Variants in PCOLCE2 observed in about 807,000 individuals in gnomAD.
The protein encoded by PCOLCE2 is procollagen C-endopeptidase enhancer 2, also known as procollagen C-proteinase enhancer 2.
In PCOLCE2, 42 loss-of-function variants were observed where a neutral mutation model predicts 47.0. The observed-to-expected ratio is 0.89, with a 90% confidence interval of 0.70 to 1.16. PCOLCE2 has a LOEUF of 1.16. Among genes scored for constraint, PCOLCE2 ranks in the 50% most tolerant of loss-of-function variants. PCOLCE2 has a pLI of 0.00. For missense variants in PCOLCE2, 500 were observed against 526.1 expected, an observed-to-expected ratio of 0.95 and a Z score of 0.49; for synonymous variants, 169 against 191.7, an observed-to-expected ratio of 0.88 and a Z score of 0.98.
At chr3:142,820,634 G>A (rs1466321271) in intron 8 of PCOLCE2, among the ~76,000 whole-genome samples, 1 of 152,130 alleles carries the variant, frequency 6.6e-6, no homozygotes, top group Non-Finnish European at 1.5e-5. Context: ...GCACTGCTCT[G>A]TGTGTCTGTT....
chr3:142,863,411 T>C (rs1933220489), intron 2 of PCOLCE2, among the ~76,000 whole-genome samples: 1 of 152,232 alleles, frequency 6.6e-6, no homozygotes, highest in South Asian at 2.1e-4. Flanking sequence ...AATGTTGCAA[T>C]ATCATAAGGC....
chr3:142,871,900 G>T (rs1309410304), intron 2 of PCOLCE2, among the ~76,000 whole-genome samples: 2 of 151,032 alleles, frequency 1.3e-5, no homozygotes, highest in Non-Finnish European at 2.9e-5. Flanking sequence ...ATCTCCTATT[G>T]GTTCTACTTC....
intron 5 of PCOLCE2, among the ~76,000 whole-genome samples, chr3:142,837,582 G>T (rs953804589): frequency 6.6e-6 from 1 of 152,054 alleles, no homozygotes; most frequent in Non-Finnish European, 1.5e-5. Context: ...AGTAGAAAAG[G>T]GTATTTAAAT....
chr3:142,857,825 C>T (rs1171984155), intron 2 of PCOLCE2, among the ~76,000 whole-genome samples: 1 of 152,178 alleles, frequency 6.6e-6, no homozygotes, highest in Non-Finnish European at 1.5e-5. Flanking sequence ...CTTCCTATTA[C>T]CTGCAGAATG....
At chr3:142,825,246 C>G (rs1382837071) in intron 6 of PCOLCE2, among the ~76,000 whole-genome samples, 1 of 152,090 alleles carries the variant, frequency 6.6e-6, no homozygotes, top group Non-Finnish European at 1.5e-5. Flanking sequence ...TCTCAGCCTC[C>G]GAAGGTCAGT....
chr3:142,851,924 A>G (rs1212283712), intron 2 of PCOLCE2, among the ~76,000 whole-genome samples: 1 of 152,180 alleles, frequency 6.6e-6, no homozygotes, highest in Non-Finnish European at 1.5e-5. Flanking sequence ...CTCATTCCCA[A>G]TAAAATAAAT....
chr3:142,848,171 G>A, intron 3 of PCOLCE2, 46 bp downstream of exon 3: 1 of 1,588,274 alleles, frequency 6.3e-7, no homozygotes, highest in South Asian at 1.1e-5. Flanking sequence ...GCCAAGAACA[G>A]TGAACCAACA....
chr3:142,819,730 C>T (rs930151161), intron 8 of PCOLCE2, among the ~76,000 whole-genome samples: 1 of 152,144 alleles, frequency 6.6e-6, no homozygotes, highest in Admixed American at 6.6e-5. Context: ...ACTGCAGACT[C>T]GACCTCTTAG....
At chr3:142,843,335 G>A in intron 3 of PCOLCE2, 1 of 486,332 alleles carries the variant, frequency 2.1e-6, no homozygotes, top group South Asian at 1.6e-5. Flanking sequence ...CAAAACATTT[G>A]AATATGCACT....
chr3:142,883,393 C>T lies in PCOLCE2; in HGVS notation c.192+4276G>A, dbSNP rs182574801. Among the ~76,000 whole-genome samples the T allele has an allele frequency of 1.9e-3, 284 of 152,050 alleles. 1 individual carries two copies. Among genetic ancestry groups the T allele is most frequent in the African/African-American group, 6.7e-3 (276 of 41,474 alleles). On this transcript the variant is annotated intron_variant, in intron 2 of 8. Coordinates refer to ENST00000295992, the MANE Select transcript of PCOLCE2 (RefSeq NM_013363.4). The stretch of plus-strand genomic sequence containing the variant: ...GTCAAACTCTAAATAGAGTTGCTTT[C>T]ACAAGGTCTTATTTTTGCTATTAAT...
chr3:142,825,422 G>A (rs72992647), intron 6 of PCOLCE2, among the ~76,000 whole-genome samples: 5,375 of 152,156 alleles, frequency 0.035, 327 homozygotes, highest in African/African-American at 0.12. Context: ...CTCCCTGGCT[G>A]TGTTCCCGCG....
intron 3 of PCOLCE2, among the ~76,000 whole-genome samples, chr3:142,845,440 A>G (rs1313893850): frequency 1.3e-5 from 2 of 152,250 alleles, no homozygotes; most frequent in Non-Finnish European, 2.9e-5. Context: ...AGAAGAAAAG[A>G]AAATAACATA....
rs377544107 is a variant in PCOLCE2 at position 142,828,495 on chromosome 3, G to A, written c.865+1197C>T. Among the ~76,000 whole-genome samples the A allele has an allele frequency of 9.9e-5, 15 of 152,208 alleles. No homozygotes were observed. The South Asian group carries it at 2.9e-3, about 29-fold the overall frequency. On this transcript the variant is annotated intron_variant, in intron 6 of 8. Transcript: ENST00000295992. ...AATGGGAGAACAACACAGTCTACTC[G>A]GTGTGGTGGGAGCGGGGTAGGGCAT...
At chr3:142,885,537 G>A (rs1188437430) in intron 2 of PCOLCE2, among the ~76,000 whole-genome samples, 1 of 152,214 alleles carries the variant, frequency 6.6e-6, no homozygotes, top group Non-Finnish European at 1.5e-5. Flanking sequence ...TGGCTAAGCA[G>A]GGAGACAGAG....
intron 5 of PCOLCE2, among the ~76,000 whole-genome samples, chr3:142,835,706 G>A (rs904999812): frequency 3.9e-5 from 6 of 152,152 alleles, no homozygotes; most frequent in Admixed American, 2.6e-4. Flanking sequence ...GCAGTGGCAC[G>A]ATTATAGCTC....
rs142423303 is a variant in PCOLCE2, at chr3:142,879,720, G to A, written c.192+7949C>T. Among the ~76,000 whole-genome samples, 53 of 152,170 alleles carry A rather than the reference G, an allele frequency of 3.5e-4. No individual in the cohort carries two copies. The East Asian group carries it at 8.3e-3, about 24-fold the overall frequency. On this transcript the variant is annotated intron_variant, in intron 2 of 8. Transcript: ENST00000295992. ...CACGGTGGCTCACGCCTATAATCCC[G>A]GCACTTTGGGAGGCCGAGGAGGGCG...
In PCOLCE2 at chr3:142,848,325, C is replaced by T. The variant is rs1212404410; in HGVS notation, c.340G>A (p.Ala114Thr). The T allele has an allele frequency of 1.2e-6, 2 of 1,614,220 alleles. No individual in the cohort carries two copies. Among genetic ancestry groups the T allele is most frequent in the Non-Finnish European group, 1.7e-6 (2 of 1,180,050 alleles). ...GRFCGTFRPG[A>T]LVSSGNKMMV... ...ATCTTGTTGCCACTGGACACAAGGG[C>T]TCCAGGCCGGAAAGTGCCACAGAAG... Residue 114 changes from alanine to threonine, a missense_variant, in exon 3 of 9, where the codon GCC becomes ACC. Ala to Thr is a moderately conservative substitution (Grantham distance 58). Transcript: ENST00000295992.
At chr3:142,855,396 T>G (rs1933041846) in intron 2 of PCOLCE2, among the ~76,000 whole-genome samples, 1 of 152,120 alleles carries the variant, frequency 6.6e-6, no homozygotes, top group South Asian at 2.1e-4. Flanking sequence ...TATATAAAAA[T>G]GTAAACTCAC....
At chr3:142,854,488 A>G (rs1460137700) in intron 2 of PCOLCE2, among the ~76,000 whole-genome samples, 1 of 152,198 alleles carries the variant, frequency 6.6e-6, no homozygotes, top group Non-Finnish European at 1.5e-5. Context: ...ATTCATCTAT[A>G]TTCTGGGTAT....
Sources: gnomAD v4.1 joint callset for allele counts (sites outside exome capture counted in the v4.1 genomes callset) on GRCh38, gnomAD v4.1.1 for gene constraint, MANE v1.5 for transcripts, NCBI Gene and HGNC (gene_info 2026-07-23, HGNC 2026-07-21) for gene names.